Variants in BCAR3 observed in about 807,000 individuals in gnomAD.
BCAR3 encodes breast cancer anti-estrogen resistance protein 3.
BCAR3 carries 37 observed loss-of-function variants against 80.1 expected under a neutral mutation model. The ratio of observed to expected loss-of-function variants is 0.46; its 90% CI spans 0.36 to 0.61. The LOEUF (loss-of-function observed/expected upper bound fraction) is 0.61, where lower values mean the gene tolerates loss of function less well. Ranked by LOEUF, BCAR3 falls within the 20% of genes least tolerant of loss-of-function variation. BCAR3 has a pLI of 0.00. For missense variants in BCAR3, 978 were observed against 1,068.2 expected (o/e 0.92, Z 1.18); for synonymous variants, 389 against 418.9 (o/e 0.93, Z 0.87).
intron 5 of BCAR3, chr1:93,585,077 CA>C: frequency 5.1e-6 from 5 of 985,472 alleles, no homozygotes; most frequent in Non-Finnish European, 6.0e-6. Context: ...GGGCAAATTA[CA>C]AAAGGAAATA....
chr1:93,633,890 G>A (rs78575046), intron 3 of BCAR3, among the ~76,000 whole-genome samples: 5,207 of 152,232 alleles, frequency 0.034, 131 homozygotes, highest in East Asian at 0.12. Context: ...CGCCTGCCTC[G>A]GCCTCCCAAA....
At chr1:93,797,303 T>G (rs759219665) in intron 2 of BCAR3, among the ~76,000 whole-genome samples, 14 of 152,244 alleles carry the variant, frequency 9.2e-5, no homozygotes, top group Non-Finnish European at 1.9e-4. Flanking sequence ...GTATGCTTTT[T>G]ATTCTACTTA....
At chr1:93,808,354 T>C (rs1472187111) in intron 2 of BCAR3, among the ~76,000 whole-genome samples, 1 of 152,156 alleles carries the variant, frequency 6.6e-6, no homozygotes, top group African/African-American at 2.4e-5. Flanking sequence ...AGATTCTATT[T>C]TGAGTAATAT....
chr1:93,663,780 T>C (rs1276127845), intron 2 of BCAR3, among the ~76,000 whole-genome samples: 1 of 152,156 alleles, frequency 6.6e-6, no homozygotes, highest in Non-Finnish European at 1.5e-5. Context: ...TGGCTCCTCA[T>C]TACCACACTG....
chr1:93,580,098 T>C (rs1016736784), intron 7 of BCAR3, among the ~76,000 whole-genome samples: 15 of 152,206 alleles, frequency 9.9e-5, no homozygotes, highest in Admixed American at 9.8e-4. Context: ...GCCTGGGCAA[T>C]GAGTTACTCT....
intron 3 of BCAR3, among the ~76,000 whole-genome samples, chr1:93,606,666 C>T (rs920255978): frequency 9.2e-5 from 14 of 152,114 alleles, no homozygotes; most frequent in African/African-American, 3.4e-4. Context: ...GAGAGCCTAT[C>T]TGGAGAACTA....
At chr1:93,674,520 G>A (rs537207236) in intron 2 of BCAR3, 94 bp downstream of exon 2, 1 of 1,366,144 alleles carries the variant, frequency 7.3e-7, no homozygotes, top group South Asian at 1.3e-5. Flanking sequence ...AAAGTGCTGG[G>A]ATTACAGGTG....
chr1:93,736,020 A>G (rs1031520172), intron 2 of BCAR3, among the ~76,000 whole-genome samples: 5 of 152,246 alleles, frequency 3.3e-5, no homozygotes, highest in Non-Finnish European at 7.3e-5. Flanking sequence ...CACTGACCAC[A>G]GTGTGAAACT....
intron 9 of BCAR3, 159 bp from the exon 10 acceptor site, chr1:93,568,010 A>C (rs549673383): frequency 1.1e-5 from 6 of 545,218 alleles, no homozygotes; most frequent in Non-Finnish European, 2.0e-5. Flanking sequence ...AGTATGGTGA[A>C]ACCCTGTCTC....
chr1:93,822,060 G>A (rs756819167), intron 2 of BCAR3, among the ~76,000 whole-genome samples: 6 of 152,206 alleles, frequency 3.9e-5, no homozygotes, highest in Non-Finnish European at 7.3e-5. Flanking sequence ...TGTTAGTATA[G>A]CAAGGGCTGT....
In BCAR3 at chr1:93,562,526, T is replaced by C. The variant is rs537301322; in HGVS notation, c.2300-107A>G. 125 of 973,454 alleles carry C rather than the reference T, an allele frequency of 1.3e-4. 1 individual carries two copies. The Middle Eastern group carries it at 3.7e-3, about 29-fold the overall frequency. The allele number at this position is 973,454 out of a possible 1,614,324, so 60.3% of individuals were successfully genotyped here. A position where few individuals can be genotyped will look rare whatever the true frequency, so the allele number is the denominator to read the frequency against. Reference sequence around the variant, plus strand: ...GGCTCACGCCTGTAATCCCAGCACTTTGGGAGGCCGAGGTGGGTGGATCAC... The same window carrying C: ...GGCTCACGCCTGTAATCCCAGCACTCTGGGAGGCCGAGGTGGGTGGATCAC... On this transcript the variant is annotated intron_variant, in intron 11 of 11. Coordinates refer to ENST00000260502, the MANE Select transcript of BCAR3 (RefSeq NM_003567.4).
intron 2 of BCAR3, among the ~76,000 whole-genome samples, chr1:93,645,803 T>C (rs895446293): frequency 6.6e-6 from 1 of 151,500 alleles, no homozygotes; most frequent in Admixed American, 6.6e-5. Context: ...AAATTTATTT[T>C]AATTTCCCTC....
At chr1:93,776,341 C>A (rs983168697) in intron 2 of BCAR3, among the ~76,000 whole-genome samples, 7 of 152,154 alleles carry the variant, frequency 4.6e-5, no homozygotes, top group African/African-American at 1.7e-4. Context: ...TGTTTCATAG[C>A]CAACCCACGC....
chr1:93,790,460 T>C (rs1381305768), intron 2 of BCAR3, among the ~76,000 whole-genome samples: 2 of 152,104 alleles, frequency 1.3e-5, no homozygotes, highest in East Asian at 1.9e-4. Flanking sequence ...TGAGTTCCAA[T>C]TCCCAAAAAT....
intron 2 of BCAR3, among the ~76,000 whole-genome samples, chr1:93,645,398 GAAGT>G (rs1571002698): frequency 6.6e-6 from 1 of 152,108 alleles, no homozygotes; most frequent in Non-Finnish European, 1.5e-5. Flanking sequence ...ATGTAAAATA[GAAGT>G]AATATGGTCT....
At chr1:93,661,425 G>T (rs1462196710) in intron 2 of BCAR3, among the ~76,000 whole-genome samples, 1 of 150,120 alleles carries the variant, frequency 6.7e-6, no homozygotes, top group Non-Finnish European at 1.5e-5. Flanking sequence ...CAAGTGATCT[G>T]CCAGCCTTGG....
intron 2 of BCAR3, among the ~76,000 whole-genome samples, chr1:93,774,469 G>A (rs1391385436): frequency 6.9e-6 from 1 of 145,558 alleles, no homozygotes; most frequent in Non-Finnish European, 1.5e-5. Context: ...GATCAACAGA[G>A]CGAGATTCTG....
chr1:93,810,165 C>G (rs1210697934), intron 2 of BCAR3, among the ~76,000 whole-genome samples: 1 of 142,624 alleles, frequency 7.0e-6, no homozygotes, highest in East Asian at 2.1e-4. Context: ...TTTACTCCAG[C>G]CTGGGTGACA....
chr1:93,690,138 G>T (rs1222734004), intron 3 of BCAR3, among the ~76,000 whole-genome samples: 3 of 152,162 alleles, frequency 2.0e-5, no homozygotes, highest in Non-Finnish European at 4.4e-5. Context: ...AAAAATACAA[G>T]TTGCCCTTTT....
Sources: allele counts gnomAD v4.1 joint callset (sites outside exome capture counted in the v4.1 genomes callset), GRCh38; gene constraint gnomAD v4.1.1; transcripts MANE v1.5; gene names NCBI Gene and HGNC (gene_info 2026-07-23, HGNC 2026-07-21).